DCC: variants seen among roughly 807,000 people sequenced by gnomAD.
DCC encodes netrin receptor DCC.
Under a neutral mutation model 172.5 loss-of-function variants are expected in DCC, and 58 were observed. The ratio of observed to expected loss-of-function variants is 0.34; its 90% CI spans 0.27 to 0.42. The LOEUF (loss-of-function observed/expected upper bound fraction) is 0.42, where lower values mean the gene tolerates loss of function less well. Ranked by LOEUF, DCC falls within the 10% of genes least tolerant of loss-of-function variation. The pLI is 1.00. For missense variants in DCC, 1,740 were observed against 1,791.0 expected, an observed-to-expected ratio of 0.97 and a Z score of 0.51; for synonymous variants, 709 against 644.5, an observed-to-expected ratio of 1.10 and a Z score of -1.52.
At chr18:53,077,525 A>T (rs184312694) in intron 7 of DCC, among the ~76,000 whole-genome samples, 1 of 152,118 alleles carries the variant, frequency 6.6e-6, no homozygotes, top group Non-Finnish European at 1.5e-5. Flanking sequence ...AATTCACCCC[A>T]TGAACTGATG....
At chr18:53,301,996 G>C (rs374045217) in intron 12 of DCC, among the ~76,000 whole-genome samples, 1 of 152,174 alleles carries the variant, frequency 6.6e-6, no homozygotes, top group African/African-American at 2.4e-5. Context: ...TGTGTTGGCA[G>C]ATTTGGTTTC....
chr18:52,983,152 A>G (rs753864675), intron 5 of DCC, among the ~76,000 whole-genome samples: 2 of 152,206 alleles, frequency 1.3e-5, no homozygotes, highest in African/African-American at 2.4e-5. Context: ...TTAGGAAAGT[A>G]AGAGGTGAAG....
intron 2 of DCC, among the ~76,000 whole-genome samples, chr18:52,841,309 T>C (rs1165750571): frequency 2.0e-5 from 3 of 151,974 alleles, no homozygotes; most frequent in Non-Finnish European, 2.9e-5. Context: ...ACACTCTGAC[T>C]AATGCATGTA....
intron 26 of DCC, among the ~76,000 whole-genome samples, chr18:53,488,762 AG>A (rs1170234941): frequency 1.3e-5 from 2 of 152,328 alleles, no homozygotes; most frequent in East Asian, 3.9e-4. Context: ...GAGAGTGAGT[AG>A]GTTGTGTGTA....
chr18:52,545,037 T>C (rs1009797848), intron 1 of DCC, among the ~76,000 whole-genome samples: 3 of 152,172 alleles, frequency 2.0e-5, no homozygotes, highest in African/African-American at 7.2e-5. Context: ...GATAAATGGA[T>C]AAGAAGGAAA....
intron 5 of DCC, among the ~76,000 whole-genome samples, chr18:53,053,344 C>G (rs1008597959): frequency 2.6e-5 from 4 of 152,032 alleles, no homozygotes; most frequent in African/African-American, 9.7e-5. Context: ...ACTCCAGAAA[C>G]ACTTGTTTTG....
chr18:53,428,275 TAATA>T lies in DCC; in HGVS notation c.3164-6865_3164-6862del, dbSNP rs1237811083. ...ATTTAATAATATATTATATAGAATATAATAAATTATATAGAATATAATAATATAT... is the reference window on the plus strand; with the variant it reads ...ATTTAATAATATATTATATAGAATATAATTATATAGAATATAATAATATAT... On this transcript the variant is annotated intron_variant, in intron 21 of 28. Transcript: ENST00000442544. Among the ~76,000 whole-genome samples the T allele has an allele frequency of 1.9e-4, 19 of 100,456 alleles. 1 individual carries two copies. Among genetic ancestry groups the T allele is most frequent in the African/African-American group, 8.1e-4 (19 of 23,588 alleles). 65.9% of individuals were successfully genotyped at this position (100,456 alleles called of 152,430 possible).
At chr18:52,489,863 T>C (rs550019630) in intron 1 of DCC, among the ~76,000 whole-genome samples, 73 of 152,268 alleles carry the variant, frequency 4.8e-4, no homozygotes, top group African/African-American at 1.6e-3. Flanking sequence ...TGACCTCATC[T>C]GAGCCCATTA....
chr18:52,636,656 A>C (rs2034786377), intron 1 of DCC, among the ~76,000 whole-genome samples: 1 of 151,934 alleles, frequency 6.6e-6, no homozygotes, highest in African/African-American at 2.4e-5. Flanking sequence ...CCCATCTCCC[A>C]CAGCAGCAAG....
At chr18:53,187,394 T>C (rs1319536992) in intron 9 of DCC, among the ~76,000 whole-genome samples, 5 of 152,130 alleles carry the variant, frequency 3.3e-5, no homozygotes, top group Non-Finnish European at 7.4e-5. Flanking sequence ...AGTGCTGGGA[T>C]TACAGGAGTG....
chr18:53,479,163 T>C (rs1376260375), intron 25 of DCC, among the ~76,000 whole-genome samples: 2 of 152,212 alleles, frequency 1.3e-5, no homozygotes, highest in South Asian at 2.1e-4. Context: ...GAGAAAAAAG[T>C]TCAAAGCACA....
At chr18:52,823,875 C>G (rs566051876) in intron 2 of DCC, among the ~76,000 whole-genome samples, 1 of 152,078 alleles carries the variant, frequency 6.6e-6, no homozygotes, top group East Asian at 1.9e-4. Context: ...GGGAACAACA[C>G]GTATGTGACA....
intron 2 of DCC, among the ~76,000 whole-genome samples, chr18:52,859,543 C>A (rs758868090): frequency 1.3e-5 from 2 of 152,070 alleles, no homozygotes; most frequent in Non-Finnish European, 2.9e-5. Flanking sequence ...AAGAGGAGGC[C>A]TGGATAGCAA....
chr18:53,476,273 T>G (rs1038108199), intron 25 of DCC, among the ~76,000 whole-genome samples: 1 of 152,096 alleles, frequency 6.6e-6, no homozygotes, highest in Non-Finnish European at 1.5e-5. Flanking sequence ...TGGAAAGGCA[T>G]GATTAGTTTT....
intron 7 of DCC, among the ~76,000 whole-genome samples, chr18:53,124,969 CA>C (rs34682402): frequency 0.06 from 8,254 of 137,524 alleles, 290 homozygotes; most frequent in East Asian, 0.12. Flanking sequence ...GACTCCATCT[CA>C]AAAAAAAAAA....
chr18:52,549,403 T>C (rs147550216), intron 1 of DCC, among the ~76,000 whole-genome samples: 17 of 152,160 alleles, frequency 1.1e-4, no homozygotes, highest in African/African-American at 4.1e-4. Flanking sequence ...GTCTCCTGTC[T>C]GGACACTTAC....
intron 12 of DCC, among the ~76,000 whole-genome samples, chr18:53,265,242 T>C (rs1357743701): frequency 6.6e-6 from 1 of 152,190 alleles, no homozygotes. Context: ...TGGTTCAGTA[T>C]TACAGCACTA....
At chr18:52,660,863 C>A (rs1309532420) in intron 1 of DCC, among the ~76,000 whole-genome samples, 1 of 152,134 alleles carries the variant, frequency 6.6e-6, no homozygotes, top group East Asian at 1.9e-4. Flanking sequence ...ATCATGCCAG[C>A]ACTTCTAGAA....
chr18:53,124,589 C>A (rs1447794713), intron 7 of DCC, among the ~76,000 whole-genome samples: 6 of 152,000 alleles, frequency 3.9e-5, no homozygotes, highest in Non-Finnish European at 8.8e-5. Flanking sequence ...TTCAGTGAGA[C>A]AACATTGCTC....
Sources: allele counts gnomAD v4.1 joint callset (sites outside exome capture counted in the v4.1 genomes callset), GRCh38; gene constraint gnomAD v4.1.1; transcripts MANE v1.5; gene names NCBI Gene and HGNC (gene_info 2026-07-23, HGNC 2026-07-21).